The following RBMS1 variants were observed in gnomAD, a reference collection of about 807,000 sequenced individuals.
RBMS1 encodes RNA binding motif single stranded interacting protein 1.
RBMS1 carries 17 observed loss-of-function variants against 62.3 expected under a neutral mutation model. The observed-to-expected ratio is 0.27, with a 90% CI of 0.19 to 0.41. RBMS1 has a LOEUF of 0.41. RBMS1 is among the 10% of genes least tolerant of loss of function. RBMS1 has a pLI of 1.00. For synonymous variants in RBMS1, 172 were observed against 170.0 expected (o/e 1.01, Z -0.09); for missense variants, 334 against 504.5 (o/e 0.66, Z 3.24).
chr2:160,433,201 C>A (rs1262083917), intron 1 of RBMS1, among the ~76,000 whole-genome samples: 1 of 152,068 alleles, frequency 6.6e-6, no homozygotes, highest in Non-Finnish European at 1.5e-5. Flanking sequence ...ATCGCTTGGG[C>A]TCAAGAGTTC....
At chr2:160,374,892 T>C (rs1693912891) in intron 1 of RBMS1, among the ~76,000 whole-genome samples, 1 of 150,356 alleles carries the variant, frequency 6.7e-6, no homozygotes, top group Non-Finnish European at 1.5e-5. Flanking sequence ...ATTGCACCAT[T>C]GCACTCCAGC....
In RBMS1 at chr2:160,493,713, T is replaced by G; in HGVS notation, c.-350A>C. 5.4e-5 allele frequency: 19 copies of G among 352,744 alleles called. No individual in the cohort carries two copies. The highest frequency in any genetic ancestry group is 2.0e-4 in the East Asian group (3 of 15,028). The allele number at this position is 352,744 out of a possible 1,614,324, so 21.9% of individuals were successfully genotyped here. A position where few individuals can be genotyped will look rare whatever the true frequency, so the allele number is the denominator to read the frequency against. On this transcript the variant is annotated 5_prime_UTR_variant, in exon 1 of 14. Transcript: ENST00000348849. ...CCAAGGGCTGGCGCGCTGGCCGCGG[T>G]CCGCTCGGGCGAGCCGGCTGCGCGG...
chr2:160,391,940 G>A (rs1251943301), intron 1 of RBMS1, among the ~76,000 whole-genome samples: 4 of 151,470 alleles, frequency 2.6e-5, no homozygotes, highest in East Asian at 1.9e-4. Context: ...AGCCTGGGGC[G>A]CAGAGGGAGA....
At chr2:160,471,876 A>G (rs1354217624) in intron 1 of RBMS1, among the ~76,000 whole-genome samples, 2 of 151,532 alleles carry the variant, frequency 1.3e-5, no homozygotes, top group Non-Finnish European at 2.9e-5. Flanking sequence ...CAAACATTTC[A>G]TTTCTCATTG....
At chr2:160,298,368 G>C (rs1689049320) in intron 6 of RBMS1, among the ~76,000 whole-genome samples, 1 of 152,122 alleles carries the variant, frequency 6.6e-6, no homozygotes, top group Non-Finnish European at 1.5e-5. Context: ...AGGTCAGGCA[G>C]TCTGAAACTC....
chr2:160,485,655 G>C lies in RBMS1; in HGVS notation c.75+7634C>G, dbSNP rs902606099. 4.0e-5 allele frequency among the ~76,000 whole-genome samples: 6 copies of C among 151,222 alleles called. No individual in the cohort carries two copies. The South Asian group carries it at 1.0e-3, about 26-fold the overall frequency. On this transcript the variant is annotated intron_variant, in intron 1 of 13. Transcript: ENST00000348849. ...ATAAGTTAAGGTATACCCAATTTTT[G>C]AACAAATCACATAGAGCATGAGAAA...
In RBMS1 at chr2:160,284,967, C is replaced by T. The variant is rs1213043448; in HGVS notation, c.806+28G>A. On this transcript the variant is annotated intron_variant, in intron 8 of 13. Transcript: ENST00000348849. ...TTCCACCTTCACATTTTCCCTCAAG[C>T]CATTATGGATTTATTTTAACGACAT... is the stretch of plus-strand genomic sequence containing the variant. 8.7e-6 allele frequency: 14 copies of T among 1,604,126 alleles called. No individual in the cohort carries two copies. In the East Asian group the frequency reaches 2.9e-4, roughly 33 times the overall value.
Position 160,397,773 on chromosome 2 carries a change from C to G in RBMS1, c.76-30382G>C, listed in dbSNP as rs529954703. Among the ~76,000 whole-genome samples the G allele has an allele frequency of 8.1e-4, 124 of 152,258 alleles. 3 individuals are homozygous for G. In the South Asian group the frequency reaches 0.026, roughly 32 times the overall value. ...AATGGGTATTTCCAATGGCCCTTTA[C>G]TAGGCTTTTGTCTTTCTTGACCTCT... is the stretch of plus-strand genomic sequence containing the variant. On this transcript the variant is annotated intron_variant, in intron 1 of 13. Coordinates refer to ENST00000348849, the MANE Select transcript of RBMS1 (RefSeq NM_016836.4).
At position 160,414,511 on chromosome 2, in the gene RBMS1, T is replaced by C. The variant is rs1486120419; in HGVS notation, c.76-47120A>G. Among the ~76,000 whole-genome samples, 12 of 152,312 alleles carry C rather than the reference T, an allele frequency of 7.9e-5. No homozygotes were observed. The East Asian group carries it at 2.3e-3, about 29-fold the overall frequency. On this transcript the variant is annotated intron_variant, in intron 1 of 13. Coordinates refer to ENST00000348849, the MANE Select transcript of RBMS1 (RefSeq NM_016836.4). ...TTAGCTAAGTTATGAGATTCATAGA[T>C]GCTTATTTTAGGTCAACTAAAATCC... is the stretch of plus-strand genomic sequence containing the variant.
At chr2:160,286,884 A>G in intron 7 of RBMS1, 85 bp downstream of exon 7, 1 of 1,597,326 alleles carries the variant, frequency 6.3e-7, no homozygotes, top group Non-Finnish European at 8.5e-7. Context: ...AGCCAAGTCA[A>G]GATGCCTTTT....
At chr2:160,278,048 CA>C (rs541901458) in intron 11 of RBMS1, 1,741 of 167,608 alleles carry the variant, frequency 0.01, 21 homozygotes, top group Admixed American at 0.035. Context: ...ATCTTACCAG[CA>C]AAATGCTAAG....
rs1303180181 is a variant in RBMS1, at chr2:160,274,270, C to T, written c.*502G>A. On this transcript the variant is annotated 3_prime_UTR_variant, in exon 14 of 14. Coordinates refer to ENST00000348849, the MANE Select transcript of RBMS1 (RefSeq NM_016836.4). Reference sequence around the variant, plus strand: ...ACGGCAACACTGAATTACAGCAACACTCGCACTGCAAGCACAGAACACCAT... The same window carrying T: ...ACGGCAACACTGAATTACAGCAACATTCGCACTGCAAGCACAGAACACCAT... 1 of 152,492 alleles carries T rather than the reference C, an allele frequency of 6.6e-6. No homozygotes were observed. Among genetic ancestry groups the T allele is most frequent in the African/African-American group, 2.4e-5 (1 of 41,410 alleles). The allele number at this position is 152,492 out of a possible 1,614,324, so 9.4% of individuals were successfully genotyped here. A position where few individuals can be genotyped will look rare whatever the true frequency, so the allele number is the denominator to read the frequency against.
chr2:160,371,211 C>T (rs1043222883), intron 1 of RBMS1, among the ~76,000 whole-genome samples: 6 of 152,170 alleles, frequency 3.9e-5, no homozygotes, highest in African/African-American at 1.2e-4. Flanking sequence ...CTTGGCAGCA[C>T]AAATGATAAA....
intron 6 of RBMS1, among the ~76,000 whole-genome samples, chr2:160,291,356 C>T (rs1400054518): frequency 1.3e-5 from 2 of 152,180 alleles, no homozygotes; most frequent in African/African-American, 4.8e-5. Context: ...GAAAACTAGT[C>T]CACTCAGCAA....
rs77524269 is a variant in RBMS1, at chr2:160,286,978, C to T, written c.747G>A (p.Glu249=). The T allele has an allele frequency of 6.2e-7, 1 of 1,611,824 alleles. No individual in the cohort carries two copies. The highest frequency in any genetic ancestry group is 8.5e-7 in the Non-Finnish European group (1 of 1,179,556). ...TCAAGAAAGGACTTACAAGTCTCAC[C>T]TCTCCTTCTCTATGCCATGGTCTTC... ...PNGRPWHREG[E]VRLAGMTLTY... Residue 249 remains glutamate (E), a synonymous_variant, in exon 7 of 14, where the codon GAG becomes GAA. Transcript: ENST00000348849.
intron 3 of RBMS1, among the ~76,000 whole-genome samples, chr2:160,316,753 T>C (rs1690245093): frequency 6.6e-6 from 1 of 152,176 alleles, no homozygotes; most frequent in South Asian, 2.1e-4. Context: ...ACATTAAGAT[T>C]TCTTTTGGGG....
At chr2:160,407,406 C>A (rs1303241261) in intron 1 of RBMS1, 2 of 985,764 alleles carry the variant, frequency 2.0e-6, no homozygotes, top group Middle Eastern at 5.0e-4. Context: ...CTGAGCGCGG[C>A]CCCCTTTGTA....
At chr2:160,277,223 G>T in intron 12 of RBMS1, 80 bp downstream of exon 12, 1 of 1,294,970 alleles carries the variant, frequency 7.7e-7, no homozygotes. Flanking sequence ...ACGTCTGGTA[G>T]ATTTTTCTGA....
At position 160,278,316 on chromosome 2, in the gene RBMS1, G is replaced by A. The variant is rs1187413106; in HGVS notation, c.1062+232C>T. On this transcript the variant is annotated intron_variant, in intron 11 of 13. Transcript: ENST00000348849. ...GTCATAAAAGGCTAGATGTGGTCAC[G>A]TGTGGGTGCTATATTCTCGTAAAGG... 3.4e-5 allele frequency: 19 copies of A among 554,924 alleles called. No individual in the cohort carries two copies. In the Admixed American group the frequency reaches 5.4e-4, roughly 16 times the overall value. 34.4% of individuals were successfully genotyped at this position (554,924 alleles called of 1,614,324 possible). A position where few individuals can be genotyped will look rare whatever the true frequency, so the allele number is the denominator to read the frequency against.
Sources: gnomAD v4.1 joint callset for allele counts (sites outside exome capture counted in the v4.1 genomes callset) on GRCh38, gnomAD v4.1.1 for gene constraint, MANE v1.5 for transcripts, NCBI Gene and HGNC (gene_info 2026-07-23, HGNC 2026-07-21) for gene names.